GSG1L: variants seen among roughly 807,000 people sequenced by gnomAD.
GSG1L encodes the protein GSG1 like.
Under a neutral mutation model 42.1 loss-of-function variants are expected in GSG1L, and 24 were observed. The observed-to-expected ratio is 0.57, with a 90% CI of 0.41 to 0.80. GSG1L has a LOEUF of 0.80. GSG1L is among the 30% of genes least tolerant of loss of function. The probability of loss-of-function intolerance (pLI) is 0.00; values close to 1 mark genes in which losing one functional copy is unlikely to be tolerated. For synonymous variants in GSG1L, 215 were observed against 203.5 expected, an observed-to-expected ratio of 1.06 and a Z score of -0.48; for missense variants, 445 against 472.2, an observed-to-expected ratio of 0.94 and a Z score of 0.53.
At chr16:27,928,268 T>C (rs1383873765) in intron 2 of GSG1L, among the ~76,000 whole-genome samples, 1 of 152,196 alleles carries the variant, frequency 6.6e-6, no homozygotes, top group Non-Finnish European at 1.5e-5. Context: ...TGAAAGGTAG[T>C]GAGTCCCAGA....
chr16:27,813,690 G>C (rs1301102961), intron 5 of GSG1L, among the ~76,000 whole-genome samples: 2 of 152,218 alleles, frequency 1.3e-5, no homozygotes, highest in African/African-American at 4.8e-5. Flanking sequence ...AATCTGCAGG[G>C]TCTTGGCCGC....
intron 6 of GSG1L, among the ~76,000 whole-genome samples, chr16:27,803,472 G>A (rs2082907137): frequency 6.6e-6 from 1 of 151,940 alleles, no homozygotes; most frequent in African/African-American, 2.4e-5. Flanking sequence ...TCCCTTCTTA[G>A]TCTCTCTTCC....
chr16:27,865,665 A>C (rs1567494028), intron 3 of GSG1L, among the ~76,000 whole-genome samples: 1 of 146,490 alleles, frequency 6.8e-6, no homozygotes, highest in African/African-American at 2.5e-5. Context: ...ATATATATAT[A>C]TCTGTTTGTG....
intron 2 of GSG1L, among the ~76,000 whole-genome samples, chr16:27,893,115 C>T (rs544333737): frequency 2.0e-5 from 3 of 152,222 alleles, no homozygotes; most frequent in South Asian, 4.2e-4. Context: ...GTTCAATTTG[C>T]GGCAGAGAAC....
Position 28,063,285 on chromosome 16 carries a change from C to T in GSG1L, c.140G>A (p.Gly47Asp). Residue 47 changes from glycine to aspartate, a missense_variant, in exon 1 of 7, where the codon GGC becomes GAC. Around this residue, in one of 3 missense-constraint regions of GSG1L, gnomAD observed 156 missense variants for 128.3 expected, o/e 1.22. Coordinates refer to ENST00000447459, the MANE Select transcript of GSG1L (RefSeq NM_001109763.2). This position sits in a 1 kb window ranked among gnomAD's most constrained non-coding sequence, Gnocchi z 5.8. ...QRVPKPGCGQ[G>D]GRANCPNSGA... ...CGAGTTGGGGCAGTTGGCGCGCCCG[C>T]CCTGGCCGCAGCCCGGCTTGGGGAC... 7.3e-7 allele frequency: 1 copy of T among 1,375,126 alleles called. No individual in the cohort carries two copies. The highest frequency in any genetic ancestry group is 2.4e-4 in the Middle Eastern group (1 of 4,114). The allele number at this position is 1,375,126 out of a possible 1,614,324, so 85.2% of individuals were successfully genotyped here. A position where few individuals can be genotyped will look rare whatever the true frequency, so the allele number is the denominator to read the frequency against.
intron 6 of GSG1L, among the ~76,000 whole-genome samples, chr16:27,796,384 T>C (rs2082818116): frequency 6.6e-6 from 1 of 152,226 alleles, no homozygotes; most frequent in African/African-American, 2.4e-5. Flanking sequence ...ATCGCTCTTC[T>C]AGGTCCACAA....
At chr16:27,872,111 T>C (rs1032100831) in intron 3 of GSG1L, among the ~76,000 whole-genome samples, 1 of 152,248 alleles carries the variant, frequency 6.6e-6, no homozygotes, top group Non-Finnish European at 1.5e-5. Flanking sequence ...ATATGAGCTC[T>C]GAAGTTCACC....
intron 1 of GSG1L, among the ~76,000 whole-genome samples, chr16:28,041,558 T>G (rs1056059803): frequency 6.6e-6 from 1 of 151,974 alleles, no homozygotes; most frequent in African/African-American, 2.4e-5. Context: ...AATGAATGAG[T>G]AAATGAATGA....
intron 2 of GSG1L, among the ~76,000 whole-genome samples, chr16:27,946,247 C>T (rs949164382): frequency 1.3e-5 from 2 of 151,966 alleles, no homozygotes; most frequent in Admixed American, 6.6e-5. Context: ...AAAGAGCTGT[C>T]GAAAGAACTA....
chr16:27,886,777 C>T lies in GSG1L; in HGVS notation c.398-2139G>A, dbSNP rs112134379. ...CCCATGGCTTGCCTTCCAGGTCACA[C>T]TAGTCATGTGGTCTCCCAAGACCCA... On this transcript the variant is annotated intron_variant, in intron 2 of 6. Coordinates refer to ENST00000447459, the MANE Select transcript of GSG1L (RefSeq NM_001109763.2). Among the ~76,000 whole-genome samples, 1,284 of 152,200 alleles carry T rather than the reference C, an allele frequency of 8.4e-3. 16 individuals are homozygous for T. Among genetic ancestry groups the T allele is most frequent in the African/African-American group, 0.03 (1,238 of 41,492 alleles).
At chr16:28,052,279 CT>C (rs923222071) in intron 1 of GSG1L, among the ~76,000 whole-genome samples, 7 of 151,752 alleles carry the variant, frequency 4.6e-5, no homozygotes, top group Non-Finnish European at 1.0e-4. Context: ...TTTCTACTTT[CT>C]TTTTTTTATT....
In GSG1L at chr16:27,935,896, GCAGGATGCATCA is replaced by G. The variant is rs2084710647; in HGVS notation, c.397+27248_397+27259del. On this transcript the variant is annotated intron_variant, in intron 2 of 6. Transcript: ENST00000447459. ...TTTTCCTACCTTCACTGCTCAGCCTGCAGGATGCATCACAGATGATGCTGCCTGGTGAACCCT... is the reference window on the plus strand; with the variant it reads ...TTTTCCTACCTTCACTGCTCAGCCTGCAGATGATGCTGCCTGGTGAACCCT... 2.0e-5 allele frequency among the ~76,000 whole-genome samples: 3 copies of G among 147,454 alleles called. No homozygotes were observed. The East Asian group carries it at 6.0e-4, about 29-fold the overall frequency.
chr16:27,884,726 G>T lies in GSG1L; in HGVS notation c.398-88C>A. The T allele has an allele frequency of 7.7e-7, 1 of 1,306,952 alleles. No homozygotes were observed. Among genetic ancestry groups the T allele is most frequent in the Non-Finnish European group, 1.0e-6 (1 of 954,142 alleles). The allele number at this position is 1,306,952 out of a possible 1,614,324, so 81.0% of individuals were successfully genotyped here. A position where few individuals can be genotyped will look rare whatever the true frequency, so the allele number is the denominator to read the frequency against. On this transcript the variant is annotated intron_variant, in intron 2 of 6. Transcript: ENST00000447459. This position sits in a 1 kb window ranked among gnomAD's most constrained non-coding sequence, Gnocchi z 4.4. The stretch of plus-strand genomic sequence containing the variant: ...CCTATTCCTCCCACAACAGCAGAGG[G>T]TAGCAAGTCATTCTAGAATAGAACC...
At chr16:27,895,430 A>G (rs1440885242) in intron 2 of GSG1L, among the ~76,000 whole-genome samples, 2 of 152,102 alleles carry the variant, frequency 1.3e-5, no homozygotes, top group Non-Finnish European at 2.9e-5. Context: ...GAAATCAGTC[A>G]TTTCTATCTC....
chr16:27,860,354 C>G (rs554563455), intron 3 of GSG1L, among the ~76,000 whole-genome samples: 7 of 152,180 alleles, frequency 4.6e-5, no homozygotes, highest in Non-Finnish European at 8.8e-5. Context: ...AGTAGGTGCT[C>G]AGTAAATGCT....
chr16:27,815,882 G>C (rs1253998384), intron 5 of GSG1L, among the ~76,000 whole-genome samples: 1 of 152,176 alleles, frequency 6.6e-6, no homozygotes, highest in African/African-American at 2.4e-5. Flanking sequence ...GGCTGAGGTG[G>C]GAGGATCACC....
Position 27,791,432 on chromosome 16 carries a change from T to G in GSG1L, c.934A>C (p.Ser312Arg), listed in dbSNP as rs777605626. Residue 312 changes from serine (S) to arginine (R), a missense_variant, in exon 7 of 7, where the codon AGC becomes CGC. This residue lies in a region of GSG1L where 140 missense variants were observed against 120.6 expected (regional missense o/e 1.16). Transcript: ENST00000447459. ...QPHMADSWPRSSAQEAPELNR... is the reference protein window; with the variant it reads ...QPHMADSWPRRSAQEAPELNR... ...AGCTCTGGTGCTTCCTGTGCGGAGC[T>G]CCGGGGCCAGGAATCCGCCATGTGT... 1 of 1,519,986 alleles carries G rather than the reference T, an allele frequency of 6.6e-7. No homozygotes were observed. The highest frequency in any genetic ancestry group is 8.9e-7 in the Non-Finnish European group (1 of 1,127,888). The allele number at this position is 1,519,986 out of a possible 1,614,324, so 94.2% of individuals were successfully genotyped here.
At chr16:27,875,771 T>C (rs2083880383) in intron 3 of GSG1L, among the ~76,000 whole-genome samples, 1 of 152,188 alleles carries the variant, frequency 6.6e-6, no homozygotes, top group South Asian at 2.1e-4. Context: ...ATTATAGTCC[T>C]TTTTGGACAA....
At chr16:27,973,102 G>A (rs534315938) in intron 1 of GSG1L, among the ~76,000 whole-genome samples, 1 of 152,242 alleles carries the variant, frequency 6.6e-6, no homozygotes, top group Admixed American at 6.5e-5. Flanking sequence ...ACCTGTAGGG[G>A]TCTTGTGAAG....
Sources: gnomAD v4.1 joint callset for allele counts (sites outside exome capture counted in the v4.1 genomes callset) on GRCh38, gnomAD v4.1.1 for gene constraint, gnomAD v4.1.1 regional missense constraint, Gnocchi (gnomAD v3.1) non-coding constraint, MANE v1.5 for transcripts, NCBI Gene and HGNC (gene_info 2026-07-23, HGNC 2026-07-21) for gene names.